The following AUTS2 variants were observed in gnomAD, a reference collection of about 807,000 sequenced individuals.
AUTS2 encodes the protein activator of transcription and developmental regulator AUTS2.
AUTS2 carries 17 observed loss-of-function variants against 112.4 expected under a neutral mutation model. The ratio of observed to expected loss-of-function variants is 0.15; its 90% CI spans 0.10 to 0.23. AUTS2 has a LOEUF of 0.23. AUTS2 is among the 10% of genes least tolerant of loss of function. The pLI is 1.00. For synonymous variants in AUTS2, 751 were observed against 702.7 expected, an observed-to-expected ratio of 1.07 and a Z score of -1.09; for missense variants, 1,510 against 1,701.6, an observed-to-expected ratio of 0.89 and a Z score of 1.98.
intron 5 of AUTS2, among the ~76,000 whole-genome samples, chr7:70,490,327 TGAA>T (rs1186437436): frequency 1.7e-4 from 25 of 151,408 alleles, no homozygotes; most frequent in Admixed American, 1.6e-3. Context: ...TCACCAAGAA[TGAA>T]GAAGATGTTA....
Position 70,790,538 on chromosome 7 carries a change from C to T in AUTS2, c.3322C>T (p.Arg1108Trp), listed in dbSNP as rs1396814042. The T allele has an allele frequency of 3.7e-6, 6 of 1,607,130 alleles. No individual in the cohort carries two copies. The highest frequency in any genetic ancestry group is 1.7e-5 in the Admixed American group (1 of 59,162). ...NDPLHRLSTP[R>W]LYEADRSFRD... ...CCCGCTCCACCGGCTCTCGACTCCC[C>T]GGCTGTACGAAGCCGACCGCTCCTT... Residue 1108 changes from arginine (R) to tryptophan (W), a missense_variant, in exon 19 of 19, where the codon CGG (arginine) becomes TGG (tryptophan). This residue lies in a region of AUTS2 where 788 missense variants were observed against 797.6 expected (regional missense o/e 0.99). Coordinates refer to ENST00000342771, the MANE Select transcript of AUTS2 (RefSeq NM_015570.4). This position sits in a 1 kb window ranked among gnomAD's most constrained non-coding sequence, Gnocchi z 7.6.
intron 2 of AUTS2, among the ~76,000 whole-genome samples, chr7:69,983,808 T>C (rs1798393700): frequency 7.7e-6 from 1 of 129,578 alleles, no homozygotes; most frequent in Admixed American, 7.3e-5. Context: ...ATTTTTGAAA[T>C]GATAACATGC....
chr7:70,742,505 G>A (rs143341451), intron 6 of AUTS2, among the ~76,000 whole-genome samples: 342 of 152,312 alleles, frequency 2.2e-3, no homozygotes, highest in African/African-American at 8.0e-3. Flanking sequence ...GCACACACCT[G>A]TAATCTCAGC....
chr7:70,758,228 C>T (rs1015970757), intron 6 of AUTS2, among the ~76,000 whole-genome samples: 1 of 152,096 alleles, frequency 6.6e-6, no homozygotes, highest in Non-Finnish European at 1.5e-5. Context: ...TGCAAACATA[C>T]GTAACCAGTC....
intron 4 of AUTS2, among the ~76,000 whole-genome samples, chr7:70,160,200 A>G (rs890645315): frequency 3.9e-5 from 6 of 152,188 alleles, no homozygotes; most frequent in Admixed American, 3.3e-4. Flanking sequence ...AGAGTATGTT[A>G]TAGTAATGAG....
chr7:69,676,351 C>A (rs1223346719), intron 1 of AUTS2, among the ~76,000 whole-genome samples: 4 of 152,236 alleles, frequency 2.6e-5, no homozygotes. Flanking sequence ...TTTCTCTCCC[C>A]TCCATTGAGA....
At chr7:70,397,696 G>C (rs1184406135) in intron 4 of AUTS2, among the ~76,000 whole-genome samples, 1 of 151,668 alleles carries the variant, frequency 6.6e-6, no homozygotes, top group African/African-American at 2.4e-5. Context: ...GCAAAGATTT[G>C]CTCCTAGTTT....
intron 4 of AUTS2, among the ~76,000 whole-genome samples, chr7:70,260,517 C>A (rs1016468543): frequency 2.6e-5 from 4 of 151,972 alleles, no homozygotes; most frequent in African/African-American, 9.7e-5. Flanking sequence ...TCCAAGGCAG[C>A]ACAGGGTGTC....
At chr7:70,513,885 C>T (rs1051620242) in intron 5 of AUTS2, among the ~76,000 whole-genome samples, 2 of 152,066 alleles carry the variant, frequency 1.3e-5, no homozygotes, top group Non-Finnish European at 2.9e-5. Context: ...GTCTCGAACT[C>T]CTGACCTCAG....
chr7:70,516,794 CTT>C (rs1005798037), intron 5 of AUTS2, among the ~76,000 whole-genome samples: 1 of 152,000 alleles, frequency 6.6e-6, no homozygotes, highest in African/African-American at 2.4e-5. Context: ...CAAGAAAAGA[CTT>C]TTTATAATAC....
intron 5 of AUTS2, among the ~76,000 whole-genome samples, chr7:70,636,649 ATTTT>A (rs11320215): frequency 7.3e-6 from 1 of 137,602 alleles, no homozygotes. Flanking sequence ...ACAAAAATAC[ATTTT>A]TTTTTTTTTT....
At chr7:69,615,420 A>C (rs184583608) in intron 1 of AUTS2, among the ~76,000 whole-genome samples, 247 of 152,200 alleles carry the variant, frequency 1.6e-3, no homozygotes, top group South Asian at 3.5e-3. Context: ...CTCCTGCCTC[A>C]GCCTCCCGAG....
intron 5 of AUTS2, among the ~76,000 whole-genome samples, chr7:70,647,162 C>T (rs755861384): frequency 6.6e-6 from 1 of 152,186 alleles, no homozygotes; most frequent in Non-Finnish European, 1.5e-5. Flanking sequence ...TCTGGTCCCC[C>T]TGAGCTGATA....
intron 5 of AUTS2, among the ~76,000 whole-genome samples, chr7:70,517,833 C>CA (rs1799481312): frequency 3.3e-5 from 5 of 151,630 alleles, no homozygotes; most frequent in Middle Eastern, 3.4e-3. Flanking sequence ...TTTGTATATA[C>CA]CCACACACAC....
Position 70,435,974 on chromosome 7 carries a change from T to C in AUTS2, c.690+193T>C, listed in dbSNP as rs79895849. The stretch of plus-strand genomic sequence containing the variant: ...GTTTAATTTGTCAGATCTACCTTTT[T>C]TTCATTTAAACAAGACCTTTAATAT... On this transcript the variant is annotated intron_variant, in intron 5 of 18. Coordinates refer to ENST00000342771, the MANE Select transcript of AUTS2 (RefSeq NM_015570.4). The C allele has an allele frequency of 4.5e-3, 2,423 of 536,166 alleles. 53 individuals carry two copies. Among genetic ancestry groups the C allele is most frequent in the African/African-American group, 0.041 (2,176 of 53,116 alleles). The allele number at this position is 536,166 out of a possible 1,614,324, so 33.2% of individuals were successfully genotyped here.
intron 1 of AUTS2, among the ~76,000 whole-genome samples, chr7:69,791,710 C>T (rs1456442902): frequency 1.3e-5 from 2 of 152,222 alleles, no homozygotes; most frequent in African/African-American, 4.8e-5. Flanking sequence ...CAGATACTTA[C>T]ACATGACTAT....
chr7:70,064,447 C>T (rs1027518549), intron 2 of AUTS2, among the ~76,000 whole-genome samples: 10 of 152,144 alleles, frequency 6.6e-5, no homozygotes, highest in African/African-American at 2.4e-4. Context: ...ACAATGGCTG[C>T]TTTTTGGCCT....
chr7:70,734,958 A>G (rs1163411988), intron 6 of AUTS2, among the ~76,000 whole-genome samples: 1 of 152,090 alleles, frequency 6.6e-6, no homozygotes, highest in Non-Finnish European at 1.5e-5. Context: ...AAGAGAGATA[A>G]TTATAAGCTT....
intron 4 of AUTS2, among the ~76,000 whole-genome samples, chr7:70,265,670 CA>C (rs1210465300): frequency 6.6e-6 from 1 of 152,148 alleles, no homozygotes; most frequent in Admixed American, 6.6e-5. Context: ...GGAATGAGGG[CA>C]GGTGGTCCAT....
Sources: gnomAD v4.1 joint callset for allele counts (sites outside exome capture counted in the v4.1 genomes callset) on GRCh38, gnomAD v4.1.1 for gene constraint, gnomAD v4.1.1 regional missense constraint, Gnocchi (gnomAD v3.1) non-coding constraint, MANE v1.5 for transcripts, NCBI Gene and HGNC (gene_info 2026-07-23, HGNC 2026-07-21) for gene names.